The following NHLRC2 variants were observed in gnomAD, a reference collection of about 807,000 sequenced individuals.
NHLRC2 encodes NHL repeat-containing protein 2.
NHLRC2 carries 33 observed loss-of-function variants against 68.1 expected under a neutral mutation model. That is an observed-to-expected ratio of 0.48 (90% CI 0.37 to 0.65). The LOEUF is 0.65. Among genes scored for constraint, NHLRC2 ranks in the 30% least tolerant of loss-of-function variants. The pLI, the probability that NHLRC2 is intolerant of heterozygous loss-of-function variation, is 0.00. For missense variants in NHLRC2, 761 were observed against 853.8 expected, an observed-to-expected ratio of 0.89 and a Z score of 1.35; for synonymous variants, 311 against 309.6, an observed-to-expected ratio of 1.00 and a Z score of -0.05.
rs746986898 is a variant in NHLRC2 at position 113,905,053 on chromosome 10, G to T, written c.1924+17G>T. On this transcript the variant is annotated intron_variant, in intron 10 of 10. Transcript: ENST00000369301. ...CAGCTGAAGGTATGAGTATAAGCTTGCAAATACTAATACATCATATATTCT... is the reference window on the plus strand; with the variant it reads ...CAGCTGAAGGTATGAGTATAAGCTTTCAAATACTAATACATCATATATTCT... 1 of 1,237,276 alleles carries T rather than the reference G, an allele frequency of 8.1e-7. No homozygotes were observed. Among genetic ancestry groups the T allele is most frequent in the Non-Finnish European group, 1.1e-6 (1 of 888,006 alleles). 76.6% of individuals were successfully genotyped at this position (1,237,276 alleles called of 1,614,324 possible).
chr10:113,898,143 T>A lies in NHLRC2; in HGVS notation c.1073T>A (p.Ile358Lys). Reference protein sequence around the residue: ...SEVQRGDILWIAMAGTHQIWA... With the variant: ...SEVQRGDILWKAMAGTHQIWA... ...GTCCAAAGAGGTGACATTTTATGGATAGCCATGGCAGGGACTCATCAGATA... is the reference window on the plus strand; with the variant it reads ...GTCCAAAGAGGTGACATTTTATGGAAAGCCATGGCAGGGACTCATCAGATA... The change falls in exon 6 of 11, where the codon ATA becomes AAA. Residue 358 changes from isoleucine to lysine, a missense_variant. Physicochemically the swap from Ile to Lys is moderately radical, Grantham distance 102. Coordinates refer to ENST00000369301, the MANE Select transcript of NHLRC2 (RefSeq NM_198514.4). 1.2e-6 allele frequency: 2 copies of A among 1,612,762 alleles called. No homozygotes were observed. Among genetic ancestry groups the A allele is most frequent in the Non-Finnish European group, 8.5e-7 (1 of 1,178,902 alleles).
chr10:113,904,466 GA>G (rs1182259085), intron 9 of NHLRC2, among the ~76,000 whole-genome samples: 2 of 152,122 alleles, frequency 1.3e-5, no homozygotes, highest in African/African-American at 4.8e-5. Flanking sequence ...GATATAAGAT[GA>G]ATAACATCTT....
chr10:113,889,752 G>A (rs1846114825), intron 5 of NHLRC2, among the ~76,000 whole-genome samples: 1 of 152,058 alleles, frequency 6.6e-6, no homozygotes. Context: ...CACACTCACT[G>A]CAGCAACTGG....
At chr10:113,895,852 G>GGA (rs1846171604) in intron 5 of NHLRC2, among the ~76,000 whole-genome samples, 1 of 152,166 alleles carries the variant, frequency 6.6e-6, no homozygotes, top group South Asian at 2.1e-4. Flanking sequence ...CATTACCATA[G>GGA]GAGTAATTAC....
At chr10:113,891,921 G>A (rs969131463) in intron 5 of NHLRC2, among the ~76,000 whole-genome samples, 2 of 152,144 alleles carry the variant, frequency 1.3e-5, no homozygotes, top group African/African-American at 2.4e-5. Context: ...TTGGTTTGGG[G>A]AGCCTCCTGT....
intron 5 of NHLRC2, among the ~76,000 whole-genome samples, chr10:113,885,836 A>G (rs1846077517): frequency 6.6e-6 from 1 of 152,048 alleles, no homozygotes; most frequent in Non-Finnish European, 1.5e-5. Flanking sequence ...ATAAAGTTAA[A>G]AAGTAAGAAG....
At chr10:113,897,572 A>T (rs1846187753) in intron 5 of NHLRC2, among the ~76,000 whole-genome samples, 1 of 152,216 alleles carries the variant, frequency 6.6e-6, no homozygotes, top group East Asian at 1.9e-4. Flanking sequence ...AGTATATGTA[A>T]CATAACAGAA....
chr10:113,916,724 T>C lies in NHLRC2; in HGVS notation c.*8188T>C, dbSNP rs1479088891. ...AACTCTTTCCCATCTTTTGTATGGATAAAGTTTATGGTTTCATTTCTGAGA... is the reference window on the plus strand; with the variant it reads ...AACTCTTTCCCATCTTTTGTATGGACAAAGTTTATGGTTTCATTTCTGAGA... On this transcript the variant is annotated 3_prime_UTR_variant, in exon 11 of 11. Transcript: ENST00000369301. 1 of 152,208 alleles carries C rather than the reference T, an allele frequency of 6.6e-6. No individual in the cohort carries two copies. The highest frequency in any genetic ancestry group is 1.9e-4 in the East Asian group (1 of 5,200). 9.4% of individuals were successfully genotyped at this position (152,208 alleles called of 1,614,324 possible). A position where few individuals can be genotyped will look rare whatever the true frequency, so the allele number is the denominator to read the frequency against.
intron 1 of NHLRC2, among the ~76,000 whole-genome samples, chr10:113,858,310 A>G (rs1392662030): frequency 1.3e-5 from 2 of 152,048 alleles, no homozygotes; most frequent in Admixed American, 6.5e-5. Flanking sequence ...AGTTACAGTC[A>G]TAAAGATATA....
At chr10:113,891,616 A>G (rs1019691339) in intron 5 of NHLRC2, among the ~76,000 whole-genome samples, 3 of 151,574 alleles carry the variant, frequency 2.0e-5, no homozygotes, top group Admixed American at 1.3e-4. Context: ...ACATGGGCCT[A>G]GATTAGCTGG....
intron 2 of NHLRC2, among the ~76,000 whole-genome samples, chr10:113,867,264 G>A (rs1041768624): frequency 2.0e-5 from 3 of 152,134 alleles, no homozygotes; most frequent in Admixed American, 6.5e-5. Flanking sequence ...AGCAGTCAGG[G>A]CTACTATGTT....
At chr10:113,874,442 TTGTGTGTGTGTG>T (rs58207579) in intron 2 of NHLRC2, among the ~76,000 whole-genome samples, 1,412 of 125,728 alleles carry the variant, frequency 0.011, 20 homozygotes, top group African/African-American at 0.024. Flanking sequence ...AGGCATGTGT[TTGTGTGTGTGTG>T]TGTGTGTGTG....
chr10:113,901,013 T>C (rs765297068), intron 6 of NHLRC2, among the ~76,000 whole-genome samples: 4 of 152,202 alleles, frequency 2.6e-5, no homozygotes, highest in Non-Finnish European at 4.4e-5. Context: ...AAAGGAATCA[T>C]TGCAATAGTT....
intron 6 of NHLRC2, among the ~76,000 whole-genome samples, chr10:113,898,510 A>C (rs143688565): frequency 6.6e-6 from 1 of 152,304 alleles, no homozygotes; most frequent in Non-Finnish European, 1.5e-5. Flanking sequence ...CTGACTGTTA[A>C]AATTTCTACT....
At chr10:113,893,851 G>T (rs1846154049) in intron 5 of NHLRC2, among the ~76,000 whole-genome samples, 2 of 152,178 alleles carry the variant, frequency 1.3e-5, no homozygotes, top group South Asian at 4.1e-4. Flanking sequence ...CTAAAAGCAA[G>T]CTAAGAAAAG....
intron 5 of NHLRC2, among the ~76,000 whole-genome samples, chr10:113,891,183 T>A (rs1846127703): frequency 6.6e-6 from 1 of 152,234 alleles, no homozygotes; most frequent in African/African-American, 2.4e-5. Context: ...TATGCCTTTT[T>A]AATATAGCAT....
chr10:113,855,451 T>C (rs1845739155), intron 1 of NHLRC2, among the ~76,000 whole-genome samples: 2 of 152,126 alleles, frequency 1.3e-5, no homozygotes, highest in African/African-American at 4.8e-5. Context: ...CACTTTTTCA[T>C]GTATCACACA....
intron 2 of NHLRC2, among the ~76,000 whole-genome samples, chr10:113,864,297 G>A (rs762877814): frequency 6.6e-6 from 1 of 152,126 alleles, no homozygotes; most frequent in African/African-American, 2.4e-5. Context: ...AATGAGTTCC[G>A]GAGATGGAGG....
intron 2 of NHLRC2, 80 bp from the exon 3 acceptor site, chr10:113,876,441 G>T: frequency 2.6e-6 from 2 of 777,228 alleles, no homozygotes; most frequent in South Asian, 2.3e-5. Context: ...TAATATTTGT[G>T]ATCCAAAACC....
Sources: allele counts gnomAD v4.1 joint callset (sites outside exome capture counted in the v4.1 genomes callset), GRCh38; gene constraint gnomAD v4.1.1; transcripts MANE v1.5; gene names NCBI Gene and HGNC (gene_info 2026-07-23, HGNC 2026-07-21).